MTIF2: variants seen among roughly 807,000 people sequenced by gnomAD.
MTIF2 encodes the protein translation initiation factor IF-2, mitochondrial.
In MTIF2, 71 loss-of-function variants were observed where a neutral mutation model predicts 83.5. The ratio of observed to expected loss-of-function variants is 0.85; its 90% CI spans 0.70 to 1.04. The LOEUF is 1.04. MTIF2 is among the 50% of genes least tolerant of loss of function. The pLI is 0.00. For missense variants in MTIF2, 957 were observed against 846.5 expected, an observed-to-expected ratio of 1.13 and a Z score of -1.62; for synonymous variants, 319 against 287.1, an observed-to-expected ratio of 1.11 and a Z score of -1.12.
At chr2:55,255,560 C>T (rs1249148748) in intron 5 of MTIF2, among the ~76,000 whole-genome samples, 2 of 149,466 alleles carry the variant, frequency 1.3e-5, no homozygotes, top group East Asian at 3.9e-4. Flanking sequence ...TAACTCATGC[C>T]AGAACAAGCT....
chr2:55,263,422 T>G (rs1678184754), intron 4 of MTIF2, among the ~76,000 whole-genome samples: 1 of 152,160 alleles, frequency 6.6e-6, no homozygotes, highest in South Asian at 2.1e-4. Context: ...CACTTTCATT[T>G]TAGACCGAGT....
chr2:55,244,295 T>C, intron 10 of MTIF2, 62 bp from the exon 11 acceptor site: 1 of 1,242,746 alleles, frequency 8.0e-7, no homozygotes, highest in South Asian at 1.3e-5. Flanking sequence ...AGCAAAGATA[T>C]CTTTATGAAG....
intron 9 of MTIF2, 71 bp downstream of exon 9, chr2:55,249,324 A>C (rs1249470151): frequency 6.6e-7 from 1 of 1,516,234 alleles, no homozygotes; most frequent in African/African-American, 1.4e-5. Flanking sequence ...TGTTCTTTAG[A>C]TGTAATATAC....
chr2:55,239,435 A>AG (rs1676136629), intron 14 of MTIF2, among the ~76,000 whole-genome samples: 1 of 152,126 alleles, frequency 6.6e-6, no homozygotes, highest in African/African-American at 2.4e-5. Flanking sequence ...GATATATAGG[A>AG]GTTCCTGGTT....
chr2:55,248,483 TATA>T, intron 9 of MTIF2, among the ~76,000 whole-genome samples: 1 of 152,126 alleles, frequency 6.6e-6, no homozygotes, highest in East Asian at 1.9e-4. Context: ...AACTTTGTAA[TATA>T]ATAAGGACGG....
intron 5 of MTIF2, among the ~76,000 whole-genome samples, chr2:55,255,915 T>C (rs1677488227): frequency 6.6e-6 from 1 of 152,040 alleles, no homozygotes; most frequent in Admixed American, 6.6e-5. Context: ...TCGCTTTTGT[T>C]ACCCAGGCTG....
intron 10 of MTIF2, among the ~76,000 whole-genome samples, chr2:55,245,283 A>G (rs1416141789): frequency 6.6e-6 from 1 of 152,182 alleles, no homozygotes; most frequent in East Asian, 1.9e-4. Flanking sequence ...GCACTTTGGG[A>G]GGCTGAGGCG....
chr2:55,258,596 GAGGTC>G (rs1677720155), intron 5 of MTIF2, among the ~76,000 whole-genome samples: 1 of 152,094 alleles, frequency 6.6e-6, no homozygotes, highest in South Asian at 2.1e-4. Flanking sequence ...TGGATCACCT[GAGGTC>G]AGGAGTTTGA....
intron 3 of MTIF2, 110 bp from the exon 4 acceptor site, chr2:55,263,975 C>A (rs1295832798): frequency 1.4e-5 from 11 of 791,510 alleles, no homozygotes; most frequent in Non-Finnish European, 1.8e-5. Context: ...ACTAGACTTA[C>A]AACAATGAGT....
intron 9 of MTIF2, among the ~76,000 whole-genome samples, chr2:55,247,592 A>C (rs1259497503): frequency 6.6e-6 from 1 of 152,128 alleles, no homozygotes; most frequent in African/African-American, 2.4e-5. Flanking sequence ...GTAAAACAAA[A>C]CAAAACAAAA....
At chr2:55,263,023 G>A (rs1678153800) in intron 4 of MTIF2, among the ~76,000 whole-genome samples, 1 of 152,068 alleles carries the variant, frequency 6.6e-6, no homozygotes, top group Non-Finnish European at 1.5e-5. Context: ...CACCACACCT[G>A]GCCTAATTTT....
chr2:55,248,099 A>G (rs1443506563), intron 9 of MTIF2, among the ~76,000 whole-genome samples: 7 of 152,146 alleles, frequency 4.6e-5, no homozygotes, highest in African/African-American at 1.7e-4. Flanking sequence ...CATGTTGCCC[A>G]GGCTGGTCTT....
chr2:55,263,950 G>T, intron 3 of MTIF2, 85 bp from the exon 4 acceptor site: 1 of 996,978 alleles, frequency 1.0e-6, no homozygotes, highest in Non-Finnish European at 1.5e-6. Flanking sequence ...CATAGCACTG[G>T]ACTACACTTA....
In MTIF2 at chr2:55,244,075, C is replaced by T. The variant is rs368780453; in HGVS notation, c.1265G>A (p.Arg422Lys). ...TTCTTCTCCTGCAGAAGGAAGGTCT[C>T]TCCAGCCTGTAATTCCCACTGGCAT... ...PSMPVGITGW[R>K]DLPSAGEEIL... Residue 422 changes from arginine (R) to lysine (K), a missense_variant, in exon 11 of 16, where the codon AGA (arginine) becomes AAA (lysine). Coordinates refer to ENST00000263629, the MANE Select transcript of MTIF2 (RefSeq NM_002453.3). The T allele has an allele frequency of 6.2e-7, 1 of 1,614,132 alleles. No individual in the cohort carries two copies. The highest frequency in any genetic ancestry group is 8.5e-7 in the Non-Finnish European group (1 of 1,180,008).
intron 6 of MTIF2, 149 bp from the exon 7 acceptor site, chr2:55,254,350 T>TATA (rs10678751): frequency 0.96 from 805,467 of 840,218 alleles, 386,605 homozygotes; most frequent in African/African-American, 0.99. Context: ...CTCCTATACA[T>TATA]ATGACAGACT....
chr2:55,247,397 C>A (rs560495274), intron 9 of MTIF2, among the ~76,000 whole-genome samples: 2 of 152,034 alleles, frequency 1.3e-5, no homozygotes, highest in Admixed American at 1.3e-4. Flanking sequence ...ACTAAAAATA[C>A]AAAAAATTAG....
intron 5 of MTIF2, among the ~76,000 whole-genome samples, chr2:55,258,019 T>C (rs1031078064): frequency 3.9e-5 from 6 of 152,266 alleles, no homozygotes; most frequent in Admixed American, 2.6e-4. Flanking sequence ...CTCAAACTCT[T>C]GGGCTCAAGC....
At chr2:55,265,113 G>A (rs958527091) in intron 3 of MTIF2, among the ~76,000 whole-genome samples, 1 of 151,588 alleles carries the variant, frequency 6.6e-6, no homozygotes, top group Non-Finnish European at 1.5e-5. Flanking sequence ...CATGGTGGCG[G>A]GCGCCTGCAA....
chr2:55,267,209 T>A (rs565992980), intron 3 of MTIF2, among the ~76,000 whole-genome samples: 1 of 151,946 alleles, frequency 6.6e-6, no homozygotes, highest in African/African-American at 2.4e-5. Flanking sequence ...CAGGCTGGAG[T>A]GCAATGGCGT....
Sources: allele counts gnomAD v4.1 joint callset (sites outside exome capture counted in the v4.1 genomes callset), GRCh38; gene constraint gnomAD v4.1.1; transcripts MANE v1.5; gene names NCBI Gene and HGNC (gene_info 2026-07-23, HGNC 2026-07-21).